CD300LG: variants seen among roughly 807,000 people sequenced by gnomAD.
CD300LG encodes the protein CD300 molecule like family member g.
CD300LG carries 29 observed loss-of-function variants against 31.5 expected under a neutral mutation model. The ratio of observed to expected loss-of-function variants is 0.92; its 90% CI spans 0.68 to 1.25. The LOEUF is 1.25. Among genes scored for constraint, CD300LG ranks in the 50% most tolerant of loss-of-function variants. CD300LG has a pLI of 0.00. For synonymous variants in CD300LG, 175 were observed against 177.2 expected, an observed-to-expected ratio of 0.99 and a Z score of 0.10; for missense variants, 396 against 417.6, an observed-to-expected ratio of 0.95 and a Z score of 0.45.
intron 3 of CD300LG, 22 bp from the exon 4 acceptor site, chr17:43,853,785 G>A (rs1422710295): frequency 1.3e-6 from 2 of 1,588,492 alleles, no homozygotes; most frequent in African/African-American, 1.3e-5. Flanking sequence ...AGGATGCTGA[G>A]GCATTGCTTT....
chr17:43,855,646 A>C, intron 5 of CD300LG: 1 of 191,826 alleles, frequency 5.2e-6, no homozygotes, highest in South Asian at 1.6e-4. Context: ...GGGGCAGTGC[A>C]GGACCAAGCA....
At chr17:43,849,011 T>C in intron 2 of CD300LG, 118 bp downstream of exon 2, 3 of 914,504 alleles carry the variant, frequency 3.3e-6, no homozygotes, top group Admixed American at 5.0e-5. Flanking sequence ...AGGGAGATCA[T>C]GCAGGTCAAG....
Position 43,855,237 on chromosome 17 carries a change from C to T in CD300LG, c.750C>T (p.Ala250=), listed in dbSNP as rs1237679047. The change falls in exon 5 of 7, where the codon GCC becomes GCT. Residue 250 remains alanine, a synonymous_variant. Transcript: ENST00000317310. ...CCATCCCGATGGTCCGCATACTGGC[C>T]CCAGTCCTGGTGCTGCTGAGCCTTC... ...RVSIPMVRIL[A]PVLVLLSLLS... 1 of 1,610,276 alleles carries T rather than the reference C, an allele frequency of 6.2e-7. No individual in the cohort carries two copies. The highest frequency in any genetic ancestry group is 8.5e-7 in the Non-Finnish European group (1 of 1,178,818).
chr17:43,859,144 T>A (rs1353926008), intron 6 of CD300LG, among the ~76,000 whole-genome samples: 1 of 152,132 alleles, frequency 6.6e-6, no homozygotes, highest in Non-Finnish European at 1.5e-5. Flanking sequence ...TCCACCCCGC[T>A]GCACTGAAGT....
intron 2 of CD300LG, chr17:43,849,905 T>A (rs992062576): frequency 5.3e-5 from 8 of 152,160 alleles, no homozygotes; most frequent in Non-Finnish European, 1.2e-4. Context: ...ACTTGCCAAA[T>A]AGCAGCAGCA....
rs201495676 is a variant in CD300LG at position 43,853,958 on chromosome 17, A to G, written c.633A>G (p.Ala211=). Residue 211 remains alanine, a synonymous_variant, in exon 4 of 7, where the codon GCA becomes GCG. Transcript: ENST00000317310. ...CTCACCCAGCGACCTCTCCTCCTGC[A>G]GGGAGCTCCCGCCCCCCCATGCAGC... ...TSPHPATSPP[A]GSSRPPMQLD... 7.4e-5 allele frequency: 119 copies of G among 1,614,178 alleles called. No homozygotes were observed. In the East Asian group the frequency reaches 2.4e-3, roughly 33 times the overall value.
chr17:43,854,729 G>A (rs1422657185), intron 4 of CD300LG, among the ~76,000 whole-genome samples: 4 of 152,082 alleles, frequency 2.6e-5, no homozygotes, highest in East Asian at 3.9e-4. Context: ...CTAACGAGTC[G>A]CTCATTGCTT....
At chr17:43,859,794 C>T (rs576471361) in intron 6 of CD300LG, among the ~76,000 whole-genome samples, 4 of 152,342 alleles carry the variant, frequency 2.6e-5, no homozygotes, top group Non-Finnish European at 4.4e-5. Context: ...TGCCCTCATC[C>T]ACCACCCACA....
chr17:43,849,541 C>A, intron 2 of CD300LG: 1 of 152,762 alleles, frequency 6.5e-6, no homozygotes, highest in Non-Finnish European at 1.5e-5. Context: ...CTCTGGGAGC[C>A]CAGAACCCCA....
intron 6 of CD300LG, chr17:43,857,360 C>T: frequency 6.6e-7 from 1 of 1,526,540 alleles, no homozygotes; most frequent in Non-Finnish European, 8.8e-7. Context: ...CCATGGGGGA[C>T]TCACAGGTGG....
Position 43,847,188 on chromosome 17 carries a change from G to T in CD300LG, c.-29G>T, listed in dbSNP as rs369652830. On this transcript the variant is annotated 5_prime_UTR_variant, in exon 1 of 7. Transcript: ENST00000317310. Reference sequence around the variant, plus strand: ...TGAAGAGGAGCTCACAGTTCCCAGCGTCTGCTCCCACGGTGTCCAGCGCCC... The same window carrying T: ...TGAAGAGGAGCTCACAGTTCCCAGCTTCTGCTCCCACGGTGTCCAGCGCCC... 6.2e-7 allele frequency: 1 copy of T among 1,612,990 alleles called. No homozygotes were observed. The highest frequency in any genetic ancestry group is 8.5e-7 in the Non-Finnish European group (1 of 1,179,478).
chr17:43,847,541 C>A (rs1356566588), intron 1 of CD300LG, among the ~76,000 whole-genome samples: 1 of 152,180 alleles, frequency 6.6e-6, no homozygotes, highest in Non-Finnish European at 1.5e-5. Context: ...ATTTTTCTAC[C>A]CTGTGCCAAG....
At position 43,852,765 on chromosome 17, in the gene CD300LG, C is replaced by T. The variant is rs770622506; in HGVS notation, c.380-147C>T. 4.7e-4 allele frequency: 258 copies of T among 544,702 alleles called. 1 individual carries two copies. Among genetic ancestry groups the T allele is most frequent in the Non-Finnish European group, 1.3e-4 (41 of 315,864 alleles). The allele number at this position is 544,702 out of a possible 1,614,324, so 33.7% of individuals were successfully genotyped here. ...AGAAGACCAGGGATCTGCTGGAACC[C>T]GCCACGTGGCTCCTGGTTGGCCGAG... On this transcript the variant is annotated intron_variant, in intron 2 of 6. Transcript: ENST00000317310.
intron 1 of CD300LG, among the ~76,000 whole-genome samples, chr17:43,847,518 C>T (rs1311746343): frequency 1.3e-5 from 2 of 152,104 alleles, no homozygotes; most frequent in Non-Finnish European, 2.9e-5. Context: ...GTTGCTTTGC[C>T]TCTCTAATCT....
At chr17:43,857,813 C>A in intron 6 of CD300LG, 1 of 1,537,268 alleles carries the variant, frequency 6.5e-7, no homozygotes, top group Non-Finnish European at 8.7e-7. Flanking sequence ...TTTCTCTGAG[C>A]CTGCCTTGGC....
intron 4 of CD300LG, among the ~76,000 whole-genome samples, chr17:43,854,858 G>A (rs1382340510): frequency 2.6e-5 from 4 of 152,132 alleles, no homozygotes; most frequent in African/African-American, 7.2e-5. Context: ...TGAACTATGC[G>A]CTTTACACAT....
chr17:43,854,680 A>G (rs933293210), intron 4 of CD300LG, among the ~76,000 whole-genome samples: 2 of 152,130 alleles, frequency 1.3e-5, no homozygotes, highest in Non-Finnish European at 2.9e-5. Context: ...CAGCCCAGAT[A>G]CAGGCCACCG....
rs567942294 is a variant in CD300LG, at chr17:43,857,820, T to C, written c.885+664T>C. On this transcript the variant is annotated intron_variant, in intron 6 of 6. Coordinates refer to ENST00000317310, the MANE Select transcript of CD300LG (RefSeq NM_145273.4). ...CCTGATGTTTTCTCTGAGCCTGCCT[T>C]GGCTCTGAGACCAAGGTGGTGTGGC... 10 of 1,537,282 alleles carry C rather than the reference T, an allele frequency of 6.5e-6. No homozygotes were observed. In the African/African-American group the frequency reaches 8.2e-5, roughly 13 times the overall value.
At chr17:43,856,877 A>G (rs1456036974) in intron 5 of CD300LG, among the ~76,000 whole-genome samples, 6 of 152,190 alleles carry the variant, frequency 3.9e-5, no homozygotes, top group Admixed American at 3.9e-4. Flanking sequence ...TTTCCCAGCC[A>G]GTTTCTGACC....
Sources: gnomAD v4.1 joint callset for allele counts (sites outside exome capture counted in the v4.1 genomes callset) on GRCh38, gnomAD v4.1.1 for gene constraint, MANE v1.5 for transcripts, NCBI Gene and HGNC (gene_info 2026-07-23, HGNC 2026-07-21) for gene names.